SLC30A10: variants seen among roughly 807,000 people sequenced by gnomAD.
The protein encoded by SLC30A10 is solute carrier family 30 member 10.
Under a neutral mutation model 21.7 loss-of-function variants are expected in SLC30A10, and 8 were observed. The observed-to-expected ratio is 0.37, with a 90% CI of 0.22 to 0.67. The LOEUF (loss-of-function observed/expected upper bound fraction) is 0.67. Ranked by LOEUF, SLC30A10 falls within the 30% of genes least tolerant of loss-of-function variation. The probability of loss-of-function intolerance (pLI) is 0.58; values close to 1 mark genes in which losing one functional copy is unlikely to be tolerated. For missense variants in SLC30A10, 521 were observed against 642.5 expected (o/e 0.81, Z 2.04); for synonymous variants, 272 against 279.4 (o/e 0.97, Z 0.26).
chr1:219,932,334 T>C (rs948685422), upstream of SLC30A10, among the ~76,000 whole-genome samples: 2 of 152,230 alleles, frequency 1.3e-5, no homozygotes, highest in Non-Finnish European at 2.9e-5. Flanking sequence ...TCTGTTAGTA[T>C]TGGTGCAAAA....
chr1:219,932,567 T>C (rs1026614935), upstream of SLC30A10, among the ~76,000 whole-genome samples: 1 of 152,130 alleles, frequency 6.6e-6, no homozygotes, highest in African/African-American at 2.4e-5. Context: ...CAGCTCCTCA[T>C]TGGTGAATTT....
In SLC30A10 at chr1:219,927,848, A is replaced by G. The variant is rs1571802234; in HGVS notation, c.593T>C (p.Val198Ala). The G allele has an allele frequency of 6.5e-7, 1 of 1,546,806 alleles. No homozygotes were observed. The highest frequency in any genetic ancestry group is 2.6e-5 in the East Asian group (1 of 39,154). Residue 198 changes from valine to alanine, a missense_variant, in exon 1 of 4, where the codon GTG becomes GCG. By Grantham distance (64) the Val-to-Ala change is moderately conservative. Transcript: ENST00000366926. The part of the protein sequence containing the change: ...DSAVTLRGTS[V>A]ERKREKGATV... Reference sequence around the variant, plus strand: ...CGCCCCCTTCTCCCGCTTCCTTTCCACCGAGGTCCCCCGGAGGGTTACGGC... The same window carrying G: ...CGCCCCCTTCTCCCGCTTCCTTTCCGCCGAGGTCCCCCGGAGGGTTACGGC...
chr1:219,953,551 C>T (rs1000844261), intron 1 of SLC30A10, among the ~76,000 whole-genome samples: 4 of 150,780 alleles, frequency 2.7e-5, no homozygotes, highest in African/African-American at 7.3e-5. Flanking sequence ...ATCGTGAGCC[C>T]GAGACTGTGC....
chr1:219,929,450 C>T (rs1694585), upstream of SLC30A10, among the ~76,000 whole-genome samples: 9,096 of 152,204 alleles, frequency 0.06, 912 homozygotes, highest in African/African-American at 0.21. Flanking sequence ...CTCACCCCCA[C>T]GTGTCCCTGA....
rs1420125320 is a variant in SLC30A10 at position 219,912,573 on chromosome 1, G to A, written c.*2876C>T. ...GTTCTGGCCGGGCGCAGTGGCTTAC[G>A]CCTGTAATCCCAGCACTTTGGGAGG... is the stretch of plus-strand genomic sequence containing the variant. On this transcript the variant is annotated 3_prime_UTR_variant, in exon 4 of 4. Coordinates refer to ENST00000366926, the MANE Select transcript of SLC30A10 (RefSeq NM_018713.3). Among the ~76,000 whole-genome samples the A allele has an allele frequency of 1.3e-5, 2 of 152,152 alleles. No individual in the cohort carries two copies. Among genetic ancestry groups the A allele is most frequent in the Non-Finnish European group, 2.9e-5 (2 of 68,028 alleles).
chr1:219,940,958 A>G (rs1388252774), intron 1 of SLC30A10, among the ~76,000 whole-genome samples: 1 of 152,236 alleles, frequency 6.6e-6, no homozygotes, highest in East Asian at 1.9e-4. Context: ...AGAGTAGAAA[A>G]AAATCTGTTT....
chr1:219,947,931 A>G (rs1660211880), intron 1 of SLC30A10, among the ~76,000 whole-genome samples: 1 of 152,036 alleles, frequency 6.6e-6, no homozygotes, highest in South Asian at 2.1e-4. Context: ...TACAAAATCA[A>G]TGTACAAAAA....
intron 1 of SLC30A10, among the ~76,000 whole-genome samples, chr1:219,937,037 G>A (rs1278510223): frequency 6.6e-6 from 1 of 152,118 alleles, no homozygotes; most frequent in African/African-American, 2.4e-5. Context: ...AAAAAGAAGA[G>A]CTCTTGGGTT....
rs1168825768 is a variant in SLC30A10 at position 219,915,866 on chromosome 1, G to A, written c.1041C>T (p.Ala347=). ...CCTTAGGATACTTGATGTGCAGGGT[G>A]GCAATAATCTTTCCACTTACAAGTT... is the stretch of plus-strand genomic sequence containing the variant. ...IWELVSGKII[A]TLHIKYPKDR... Residue 347 remains alanine, a synonymous_variant, in exon 4 of 4, where the codon GCC becomes GCT. Coordinates refer to ENST00000366926, the MANE Select transcript of SLC30A10 (RefSeq NM_018713.3). The A allele has an allele frequency of 3.1e-6, 5 of 1,614,150 alleles. No individual in the cohort carries two copies. The highest frequency in any genetic ancestry group is 4.2e-6 in the Non-Finnish European group (5 of 1,180,034).
chr1:219,946,938 AC>A (rs1222313163), intron 1 of SLC30A10, among the ~76,000 whole-genome samples: 4 of 152,180 alleles, frequency 2.6e-5, no homozygotes, highest in African/African-American at 9.7e-5. Flanking sequence ...AAAAGTCCCA[AC>A]AATGTGCTCA....
intron 1 of SLC30A10, among the ~76,000 whole-genome samples, chr1:219,952,839 T>C (rs952908229): frequency 4.6e-5 from 7 of 152,214 alleles, no homozygotes; most frequent in African/African-American, 1.4e-4. Context: ...TTAACTTCTT[T>C]TTTCTTCAGT....
chr1:219,918,442 G>A lies in SLC30A10; in HGVS notation c.771C>T (p.Ile257=). 3 of 1,613,562 alleles carry A rather than the reference G, an allele frequency of 1.9e-6. No homozygotes were observed. The highest frequency in any genetic ancestry group is 2.5e-6 in the Non-Finnish European group (3 of 1,179,644). The change falls in exon 3 of 4, where the codon ATC becomes ATT. Residue 257 remains isoleucine, a synonymous_variant. Coordinates refer to ENST00000366926, the MANE Select transcript of SLC30A10 (RefSeq NM_018713.3). This position sits in a 1 kb window ranked among gnomAD's most constrained non-coding sequence, Gnocchi z 4.4. The stretch of plus-strand genomic sequence containing the variant: ...GAAGCACATAGAATATGATGGCCGT[G>A]ATGACCACAACCACGGACCCCAGGG... ...GDALGSVVVV[I]TAIIFYVLPL...
chr1:219,927,731 G>T (rs1265290666), intron 1 of SLC30A10, 70 bp downstream of exon 1: 30 of 1,370,964 alleles, frequency 2.2e-5, no homozygotes, highest in Non-Finnish European at 2.7e-5. Flanking sequence ...GGCGTGGGGT[G>T]AGAAGAAAGG....
intron 2 of SLC30A10, among the ~76,000 whole-genome samples, chr1:219,922,020 C>T (rs1659695198): frequency 6.6e-6 from 1 of 151,736 alleles, no homozygotes; most frequent in South Asian, 2.1e-4. Context: ...GTGGCACAAT[C>T]ATAGCTCACT....
intron 2 of SLC30A10, among the ~76,000 whole-genome samples, chr1:219,920,283 G>A: frequency 6.6e-6 from 1 of 152,128 alleles, no homozygotes; most frequent in East Asian, 1.9e-4. Flanking sequence ...CCACTGAAGG[G>A]AAACTCAAAA....
rs899781687 is a variant in SLC30A10, at chr1:219,918,685, T to G, written c.719-191A>C. On this transcript the variant is annotated intron_variant, in intron 2 of 3. Coordinates refer to ENST00000366926, the MANE Select transcript of SLC30A10 (RefSeq NM_018713.3). This position sits in a 1 kb window ranked among gnomAD's most constrained non-coding sequence, Gnocchi z 4.4. ...TAGGAAACAAAACCCCAGGCCACCA[T>G]CGCAGGACTCAGAGTACCTTGGAAG... The G allele has an allele frequency of 1.7e-6, 1 of 592,404 alleles. No individual in the cohort carries two copies. Among genetic ancestry groups the G allele is most frequent in the African/African-American group, 1.9e-5 (1 of 52,992 alleles). 36.7% of individuals were successfully genotyped at this position (592,404 alleles called of 1,614,324 possible). A position where few individuals can be genotyped will look rare whatever the true frequency, so the allele number is the denominator to read the frequency against.
chr1:219,910,769 C>T lies in SLC30A10; in HGVS notation c.*4680G>A, dbSNP rs1249898223. 6.6e-6 allele frequency among the ~76,000 whole-genome samples: 1 copy of T among 152,152 alleles called. No individual in the cohort carries two copies. Among genetic ancestry groups the T allele is most frequent in the South Asian group, 2.1e-4 (1 of 4,828 alleles). On this transcript the variant is annotated 3_prime_UTR_variant, in exon 4 of 4. Transcript: ENST00000366926. ...AGAGTAGGTGCAGTGTCTGGCATGGCTTTGTACTAAGAGGTGACAGTTGAT... is the reference window on the plus strand; with the variant it reads ...AGAGTAGGTGCAGTGTCTGGCATGGTTTTGTACTAAGAGGTGACAGTTGAT...
chr1:219,923,183 C>G (rs1659738234), intron 2 of SLC30A10, among the ~76,000 whole-genome samples: 1 of 152,164 alleles, frequency 6.6e-6, no homozygotes, highest in South Asian at 2.1e-4. Flanking sequence ...CCGATGTGAT[C>G]ACATCTATGA....
intron 1 of SLC30A10, among the ~76,000 whole-genome samples, chr1:219,954,872 G>C (rs1012395579): frequency 4.6e-5 from 7 of 151,986 alleles, no homozygotes; most frequent in African/African-American, 1.7e-4. Context: ...CTAGAAAAGT[G>C]AGCTGTACAA....
Sources: allele counts gnomAD v4.1 joint callset (sites outside exome capture counted in the v4.1 genomes callset), GRCh38; gene constraint gnomAD v4.1.1; non-coding constraint Gnocchi (gnomAD v3.1); transcripts MANE v1.5; gene names NCBI Gene and HGNC (gene_info 2026-07-23, HGNC 2026-07-21).